The following MFSD8 variants were observed in gnomAD, a reference collection of about 807,000 sequenced individuals.
MFSD8 encodes major facilitator superfamily domain containing 8, also known as major facilitator superfamily domain-containing protein 8.
MFSD8 carries 55 observed loss-of-function variants against 66.4 expected under a neutral mutation model. The observed-to-expected ratio is 0.83, with a 90% CI of 0.67 to 1.04. The LOEUF (loss-of-function observed/expected upper bound fraction) is 1.04, where lower values mean the gene tolerates loss of function less well. Among genes scored for constraint, MFSD8 ranks in the 50% least tolerant of loss-of-function variants. The probability of loss-of-function intolerance (pLI) is 0.00; values close to 1 mark genes in which losing one functional copy is unlikely to be tolerated. For synonymous variants in MFSD8, 202 were observed against 212.8 expected, an observed-to-expected ratio of 0.95 and a Z score of 0.44; for missense variants, 550 against 627.6, an observed-to-expected ratio of 0.88 and a Z score of 1.32.
chr4:127,943,299 C>G, intron 4 of MFSD8: 1 of 195,132 alleles, frequency 5.1e-6, no homozygotes, highest in Non-Finnish European at 1.0e-5. Flanking sequence ...AGAGACATGT[C>G]AGAGAAGAAA....
At chr4:127,962,119 G>C (rs747321144) in intron 1 of MFSD8, among the ~76,000 whole-genome samples, 3 of 152,162 alleles carry the variant, frequency 2.0e-5, no homozygotes, top group South Asian at 2.1e-4. Context: ...GAGGAAAACA[G>C]TCTGTCAGAA....
intron 9 of MFSD8, among the ~76,000 whole-genome samples, chr4:127,925,328 T>G (rs1046781722): frequency 1.3e-5 from 2 of 152,152 alleles, no homozygotes; most frequent in African/African-American, 2.4e-5. Flanking sequence ...GGAGAAAATT[T>G]TTGCAATCTA....
chr4:127,957,484 G>A lies in MFSD8; in HGVS notation c.154+17C>T. ...ATCTGATCTGAATTGTTAAAATTAT[G>A]TATTTCTAATACTTACCTACACTGC... is the stretch of plus-strand genomic sequence containing the variant. On this transcript the variant is annotated intron_variant, in intron 2 of 11. Coordinates refer to ENST00000641686, the MANE Select transcript of MFSD8 (RefSeq NM_001371596.2). 2.7e-6 allele frequency: 4 copies of A among 1,502,400 alleles called. No individual in the cohort carries two copies. Among genetic ancestry groups the A allele is most frequent in the Non-Finnish European group, 3.7e-6 (4 of 1,081,184 alleles). The allele number at this position is 1,502,400 out of a possible 1,614,324, so 93.1% of individuals were successfully genotyped here.
chr4:127,934,932 T>G, intron 7 of MFSD8, among the ~76,000 whole-genome samples: 1 of 143,274 alleles, frequency 7.0e-6, no homozygotes. Flanking sequence ...GTAGTGTCAG[T>G]TGTTGTTAGT....
At chr4:127,964,043 A>G (rs1283264173) in intron 1 of MFSD8, among the ~76,000 whole-genome samples, 6 of 152,162 alleles carry the variant, frequency 3.9e-5, no homozygotes, top group Non-Finnish European at 8.8e-5. Context: ...TGAGCTAGAC[A>G]CAGGGTGCTG....
At position 127,927,521 on chromosome 4, in the gene MFSD8, A is replaced by C. The variant is rs77556766; in HGVS notation, c.998+3162T>G. ...ATTTTCAACTTATGATGATCAGTTT[A>C]TCAGGATGTAGCCCCATTGCAAGTT... On this transcript the variant is annotated intron_variant, in intron 9 of 11. Transcript: ENST00000641686. Among the ~76,000 whole-genome samples, 1,318 of 152,300 alleles carry C rather than the reference A, an allele frequency of 8.7e-3. 23 individuals are homozygous for C. The highest frequency in any genetic ancestry group is 0.03 in the African/African-American group (1,233 of 41,566).
chr4:127,962,869 A>AAAT (rs1273755848), intron 1 of MFSD8, among the ~76,000 whole-genome samples: 4 of 152,238 alleles, frequency 2.6e-5, no homozygotes, highest in Non-Finnish European at 5.9e-5. Context: ...AGGACCAGAG[A>AAAT]AATACATTTG....
At chr4:127,952,599 G>T (rs1023641063) in intron 2 of MFSD8, among the ~76,000 whole-genome samples, 1 of 152,124 alleles carries the variant, frequency 6.6e-6, no homozygotes, top group African/African-American at 2.4e-5. Context: ...GCCAGGCACA[G>T]TGGATGATGC....
At chr4:127,955,378 T>C (rs1248394432) in intron 2 of MFSD8, among the ~76,000 whole-genome samples, 3 of 151,770 alleles carry the variant, frequency 2.0e-5, no homozygotes, top group African/African-American at 7.3e-5. Flanking sequence ...CCATCTCTAC[T>C]AAAAATACAA....
chr4:127,955,453 T>C (rs1417995809), intron 2 of MFSD8, among the ~76,000 whole-genome samples: 4 of 150,632 alleles, frequency 2.7e-5, no homozygotes, highest in Admixed American at 1.3e-4. Flanking sequence ...AGGCAGAGAA[T>C]TGCTTGAACC....
intron 7 of MFSD8, among the ~76,000 whole-genome samples, chr4:127,938,057 T>C (rs1739363520): frequency 6.6e-6 from 1 of 152,074 alleles, no homozygotes; most frequent in Non-Finnish European, 1.5e-5. Flanking sequence ...AAAATGTATA[T>C]TTCTAAAGTA....
At chr4:127,960,212 T>G (rs183119009) in intron 1 of MFSD8, among the ~76,000 whole-genome samples, 2 of 152,166 alleles carry the variant, frequency 1.3e-5, no homozygotes, top group Admixed American at 6.5e-5. Flanking sequence ...TGGAGTGAAC[T>G]GATCAGCAAA....
chr4:127,957,452 A>T, intron 2 of MFSD8, 49 bp downstream of exon 2: 1 of 1,263,870 alleles, frequency 7.9e-7, no homozygotes, highest in Non-Finnish European at 1.1e-6. Context: ...TGAAGTTAAA[A>T]TATGACATCT....
chr4:127,936,566 AG>A (rs916946989), intron 7 of MFSD8, among the ~76,000 whole-genome samples: 24 of 152,234 alleles, frequency 1.6e-4, no homozygotes, highest in African/African-American at 5.8e-4. Context: ...TCTCTATTAA[AG>A]AAAAAAAAAC....
intron 9 of MFSD8, among the ~76,000 whole-genome samples, chr4:127,927,600 C>A (rs1428443480): frequency 6.6e-6 from 1 of 152,238 alleles, no homozygotes; most frequent in East Asian, 1.9e-4. Flanking sequence ...AATTCATCAA[C>A]TAATGTTCCA....
At chr4:127,931,612 C>T (rs555096183) in intron 8 of MFSD8, among the ~76,000 whole-genome samples, 5 of 152,252 alleles carry the variant, frequency 3.3e-5, no homozygotes, top group Non-Finnish European at 7.4e-5. Flanking sequence ...CTGCCTCAAC[C>T]TCCCAAAGTT....
At chr4:127,959,732 A>G (rs1743444479) in intron 1 of MFSD8, among the ~76,000 whole-genome samples, 1 of 152,186 alleles carries the variant, frequency 6.6e-6, no homozygotes, top group Non-Finnish European at 1.5e-5. Context: ...CATCTTTTCT[A>G]TAGATTTAAC....
chr4:127,923,899 T>C (rs1435263384), intron 9 of MFSD8, among the ~76,000 whole-genome samples: 2 of 152,084 alleles, frequency 1.3e-5, no homozygotes, highest in African/African-American at 2.4e-5. Flanking sequence ...CAGTATTTTA[T>C]TGAGGATTTT....
chr4:127,963,535 C>T (rs1744192465), intron 1 of MFSD8, among the ~76,000 whole-genome samples: 2 of 152,044 alleles, frequency 1.3e-5, no homozygotes, highest in Non-Finnish European at 2.9e-5. Flanking sequence ...CTGGTGGGTT[C>T]GTGGTCTCGC....
Sources: gnomAD v4.1 joint callset for allele counts (sites outside exome capture counted in the v4.1 genomes callset) on GRCh38, gnomAD v4.1.1 for gene constraint, MANE v1.5 for transcripts, NCBI Gene and HGNC (gene_info 2026-07-23, HGNC 2026-07-21) for gene names.